CABP5: variants seen among roughly 807,000 people sequenced by gnomAD.
CABP5 encodes the protein calcium binding protein 5, also known as calcium-binding protein 5.
A neutral mutation model predicts 21.9 loss-of-function variants in CABP5; 17 were observed. That is an observed-to-expected ratio of 0.78 (90% CI 0.53 to 1.17). CABP5 has a LOEUF of 1.17. Ranked by LOEUF, CABP5 falls within the 50% of genes most tolerant of loss-of-function variation. The pLI, the probability that CABP5 is intolerant of heterozygous loss-of-function variation, is 0.00. For missense variants in CABP5, 229 were observed against 228.9 expected, an observed-to-expected ratio of 1.00 and a Z score of 0.00; for synonymous variants, 85 against 79.4, an observed-to-expected ratio of 1.07 and a Z score of -0.37.
rs1163215555 is a variant in CABP5 at position 48,034,301 on chromosome 19, A to G, written c.410T>C (p.Leu137Pro). Reference protein sequence around the residue: ...LVELQQAMQRLLGERLTPREI... With the variant: ...LVELQQAMQRPLGERLTPREI... ...CCGGGGGGTGAGCCGCTCCCCCAGG[A>G]GTCTCTGCATGGCCTGCTGTAGCTC... The change falls in exon 5 of 6, where the codon CTC (leucine) becomes CCC (proline). Residue 137 changes from leucine to proline, a missense_variant. Coordinates refer to ENST00000293255, the MANE Select transcript of CABP5 (RefSeq NM_019855.5). The G allele has an allele frequency of 6.2e-7, 1 of 1,609,264 alleles. No individual in the cohort carries two copies. Among genetic ancestry groups the G allele is most frequent in the Non-Finnish European group, 8.5e-7 (1 of 1,178,222 alleles).
chr19:48,043,306 C>T (rs1306534742), intron 1 of CABP5, among the ~76,000 whole-genome samples: 1 of 151,526 alleles, frequency 6.6e-6, no homozygotes. Context: ...TATACTTGGC[C>T]GACCCTGCCA....
At chr19:48,031,752 C>T (rs1211293401) in intron 5 of CABP5, among the ~76,000 whole-genome samples, 1 of 152,028 alleles carries the variant, frequency 6.6e-6, no homozygotes, top group Non-Finnish European at 1.5e-5. Context: ...TTGCTGCCCA[C>T]CCGGGTCTTG....
In CABP5 at chr19:48,030,262, G is replaced by A; in HGVS notation, c.*295C>T. On this transcript the variant is annotated 3_prime_UTR_variant, in exon 6 of 6. Transcript: ENST00000293255. ...TCACAGGGACTTAGGACTACGTGAA[G>A]TGAAAAGATGTCAAGAATCATTGGA... 1 of 389,616 alleles carries A rather than the reference G, an allele frequency of 2.6e-6. No homozygotes were observed. The allele number at this position is 389,616 out of a possible 1,614,324, so 24.1% of individuals were successfully genotyped here.
rs1555737578 is a variant in CABP5, at chr19:48,032,334, C to CG, written c.497-1753_497-1752insC. On this transcript the variant is annotated intron_variant, in intron 5 of 5. Coordinates refer to ENST00000293255, the MANE Select transcript of CABP5 (RefSeq NM_019855.5). ...TGCATATCAGACAAATAATTTTGGA[C>CG]TTTTTTTTTTTTTTTCTGGAGACGG... Among the ~76,000 whole-genome samples the CG allele has an allele frequency of 3.9e-3, 568 of 144,226 alleles. 4 individuals carry two copies. Among genetic ancestry groups the CG allele is most frequent in the African/African-American group, 0.014 (551 of 38,630 alleles). 94.6% of individuals were successfully genotyped at this position (144,226 alleles called of 152,430 possible).
chr19:48,041,054 T>A (rs113419610), intron 2 of CABP5, among the ~76,000 whole-genome samples: 14,402 of 151,916 alleles, frequency 0.095, 705 homozygotes, highest in South Asian at 0.13. Flanking sequence ...GCTCATGCCT[T>A]TGATCCCAGC....
At position 48,034,345 on chromosome 19, in the gene CABP5, A is replaced by T; in HGVS notation, c.366T>A (p.Asp122Glu). The T allele has an allele frequency of 1.3e-6, 2 of 1,577,138 alleles. No individual in the cohort carries two copies. Among genetic ancestry groups the T allele is most frequent in the Non-Finnish European group, 1.7e-6 (2 of 1,162,974 alleles). ...DAFKEFDTNG[D>E]GEITLVELQQ... ...GTAGCTCCACCAGGGTGATCTCCCCATCTCCATTCGTGTCAAACTGAATAG... is the reference window on the plus strand; with the variant it reads ...GTAGCTCCACCAGGGTGATCTCCCCTTCTCCATTCGTGTCAAACTGAATAG... The change falls in exon 5 of 6, where the codon GAT becomes GAA. Residue 122 changes from aspartate to glutamate, a missense_variant. Asp to Glu is a conservative substitution (Grantham distance 45). Coordinates refer to ENST00000293255, the MANE Select transcript of CABP5 (RefSeq NM_019855.5).
intron 1 of CABP5, 93 bp downstream of exon 1, chr19:48,043,766 CT>C: frequency 9.2e-7 from 1 of 1,089,024 alleles, no homozygotes; most frequent in Non-Finnish European, 1.2e-6. Context: ...ACCTGTTCCC[CT>C]GGTTCTGTGG....
chr19:48,032,270 AG>A (rs2122360437), intron 5 of CABP5, among the ~76,000 whole-genome samples: 1 of 152,078 alleles, frequency 6.6e-6, no homozygotes, highest in Non-Finnish European at 1.5e-5. Flanking sequence ...CAGAAGATAC[AG>A]GCTGGGTGGG....
rs374963604 is a variant in CABP5, at chr19:48,030,523, C to T, written c.*34G>A. 2 of 1,601,666 alleles carry T rather than the reference C, an allele frequency of 1.2e-6. No homozygotes were observed. The highest frequency in any genetic ancestry group is 1.7e-4 in the Middle Eastern group (1 of 6,004). On this transcript the variant is annotated 3_prime_UTR_variant, in exon 6 of 6. Transcript: ENST00000293255. ...CCACAAGCGCTTGCTCCATGTTGAC[C>T]AGGTGGAGAGGGTCTGGAGCTTCCA... is the stretch of plus-strand genomic sequence containing the variant.
intron 1 of CABP5, among the ~76,000 whole-genome samples, chr19:48,041,868 T>C (rs1351265505): frequency 6.6e-6 from 1 of 152,110 alleles, no homozygotes; most frequent in Non-Finnish European, 1.5e-5. Context: ...ACCCATCACA[T>C]TGTGTCAAAG....
chr19:48,038,430 TA>T (rs1172680371), intron 4 of CABP5, among the ~76,000 whole-genome samples: 2 of 152,242 alleles, frequency 1.3e-5, no homozygotes, highest in African/African-American at 2.4e-5. Context: ...CTGGGTCTGA[TA>T]TTTTTTAGTA....
In CABP5 at chr19:48,043,965, G is replaced by A; in HGVS notation, c.-43C>T. ...CTCGCAGGGCACCAGTCTCAAGATG[G>A]CCCCTCCTCCCTGCTCCCTGTCGGA... On this transcript the variant is annotated 5_prime_UTR_variant, in exon 1 of 6. Coordinates refer to ENST00000293255, the MANE Select transcript of CABP5 (RefSeq NM_019855.5). The A allele has an allele frequency of 6.7e-7, 1 of 1,482,118 alleles. No homozygotes were observed. Among genetic ancestry groups the A allele is most frequent in the Non-Finnish European group, 9.0e-7 (1 of 1,112,936 alleles). 91.8% of individuals were successfully genotyped at this position (1,482,118 alleles called of 1,614,324 possible).
At chr19:48,033,014 CTT>C (rs370570252) in intron 5 of CABP5, among the ~76,000 whole-genome samples, 10,036 of 123,158 alleles carry the variant, frequency 0.081, 292 homozygotes, top group South Asian at 0.11. Context: ...ACTTGACATG[CTT>C]TTTTTTTTTT....
In CABP5 at chr19:48,034,264, CT is replaced by C; in HGVS notation, c.446del (p.Glu149GlyfsTer20). On this transcript the variant is annotated frameshift_variant, in exon 5 of 6. Transcript: ENST00000293255. LOFTEE classifies it high-confidence loss of function. ...GERLTPREIS[E>X]VVREADVNGD... ...CATTAACATCAGCCTCCCGGACAAC[CT>C]CAGAGATCTCCCGGGGGGTGAGCCG... The C allele has an allele frequency of 6.2e-7, 1 of 1,607,940 alleles. No homozygotes were observed. The highest frequency in any genetic ancestry group is 8.5e-7 in the Non-Finnish European group (1 of 1,177,592).
intron 4 of CABP5, among the ~76,000 whole-genome samples, chr19:48,038,698 G>A (rs750763341): frequency 6.6e-5 from 10 of 152,050 alleles, no homozygotes; most frequent in Admixed American, 3.9e-4. Flanking sequence ...GTGGTATCGC[G>A]CACCTGTAAT....
intron 3 of CABP5, among the ~76,000 whole-genome samples, chr19:48,039,703 CTT>C (rs772482700): frequency 0.014 from 804 of 58,988 alleles, no homozygotes; most frequent in African/African-American, 0.052. Flanking sequence ...AACCCAATAG[CTT>C]TTTTTTTTTT....
chr19:48,037,971 A>T (rs1967432080), intron 4 of CABP5, among the ~76,000 whole-genome samples: 2 of 152,020 alleles, frequency 1.3e-5, no homozygotes, highest in South Asian at 4.2e-4. Context: ...CTGGAATGCA[A>T]TGGTGCGATC....
intron 5 of CABP5, among the ~76,000 whole-genome samples, chr19:48,030,795 TG>T (rs1371038952): frequency 2.0e-5 from 3 of 152,056 alleles, no homozygotes; most frequent in African/African-American, 7.2e-5. Flanking sequence ...TCTGTCAAGT[TG>T]GCATGTTTAA....
At chr19:48,039,815 G>A (rs1568414108) in intron 3 of CABP5, among the ~76,000 whole-genome samples, 1 of 137,466 alleles carries the variant, frequency 7.3e-6, no homozygotes, top group South Asian at 2.5e-4. Flanking sequence ...CCGGGTTCAA[G>A]CGATTCTCGT....
Sources: allele counts gnomAD v4.1 joint callset (sites outside exome capture counted in the v4.1 genomes callset), GRCh38; gene constraint gnomAD v4.1.1; transcripts MANE v1.5; gene names NCBI Gene and HGNC (gene_info 2026-07-23, HGNC 2026-07-21).